FGF14: variants seen among roughly 807,000 people sequenced by gnomAD.
FGF14 encodes fibroblast growth factor 14, also known as fibroblast growth factor homologous factor 4.
A neutral mutation model predicts 25.5 loss-of-function variants in FGF14; 5 were observed. The ratio of observed to expected loss-of-function variants is 0.20; its 90% CI spans 0.10 to 0.41. The LOEUF (loss-of-function observed/expected upper bound fraction) is 0.41. Ranked by LOEUF, FGF14 falls within the 10% of genes least tolerant of loss-of-function variation. The pLI is 1.00. For synonymous variants in FGF14, 138 were observed against 118.3 expected (o/e 1.17, Z -1.08); for missense variants, 222 against 320.1 (o/e 0.69, Z 2.34).
intron 1 of FGF14, among the ~76,000 whole-genome samples, chr13:102,244,865 G>A (rs1321724403): frequency 6.6e-6 from 1 of 151,974 alleles, no homozygotes; most frequent in East Asian, 1.9e-4. Flanking sequence ...TAAATACACA[G>A]AGGAAAACAG....
intron 3 of FGF14, among the ~76,000 whole-genome samples, chr13:101,852,186 T>C (rs1260111794): frequency 6.6e-6 from 1 of 152,058 alleles, no homozygotes. Context: ...TCAATATCAC[T>C]GCAATTCTGA....
At chr13:101,837,151 G>A (rs1239261104) in intron 3 of FGF14, among the ~76,000 whole-genome samples, 1 of 151,456 alleles carries the variant, frequency 6.6e-6, no homozygotes, top group African/African-American at 2.4e-5. Context: ...TTTCAAGTGT[G>A]ACTGAGCTGG....
At chr13:101,811,915 G>A (rs1594335131) in intron 3 of FGF14, among the ~76,000 whole-genome samples, 1 of 152,024 alleles carries the variant, frequency 6.6e-6, no homozygotes. Context: ...AAAGTTGGAA[G>A]GTCTCTAACA....
At chr13:101,897,112 T>C (rs1434261456) in intron 1 of FGF14, among the ~76,000 whole-genome samples, 1 of 152,158 alleles carries the variant, frequency 6.6e-6, no homozygotes, top group East Asian at 1.9e-4. Flanking sequence ...TTATTATGTG[T>C]ACAGGAGAAG....
chr13:101,959,467 C>G (rs1356153601), intron 1 of FGF14, among the ~76,000 whole-genome samples: 1 of 152,112 alleles, frequency 6.6e-6, no homozygotes, highest in Non-Finnish European at 1.5e-5. Context: ...ATCTTGAATG[C>G]CCTCCCTGAC....
chr13:101,830,192 A>C (rs1420705142), intron 3 of FGF14, among the ~76,000 whole-genome samples: 1 of 152,156 alleles, frequency 6.6e-6, no homozygotes, highest in African/African-American at 2.4e-5. Flanking sequence ...GTAGCTCTAG[A>C]GAAGTCTAGT....
upstream of FGF14, among the ~76,000 whole-genome samples, chr13:101,920,597 T>C (rs558697910): frequency 6.6e-6 from 1 of 152,342 alleles, no homozygotes; most frequent in East Asian, 1.9e-4. Context: ...AGTTTACTCA[T>C]TTCTATCTTG....
At chr13:102,202,854 T>G (rs1484628698) in intron 1 of FGF14, among the ~76,000 whole-genome samples, 1 of 152,230 alleles carries the variant, frequency 6.6e-6, no homozygotes, top group African/African-American at 2.4e-5. Flanking sequence ...CTTAGAATAC[T>G]GCAGTGCTGC....
chr13:102,330,747 T>C (rs2056609927), intron 1 of FGF14, among the ~76,000 whole-genome samples: 2 of 152,086 alleles, frequency 1.3e-5, no homozygotes, highest in Admixed American at 1.3e-4. Context: ...CATCACTCCC[T>C]CCTCCCTTCA....
At chr13:101,793,260 T>C (rs1470951042) in intron 3 of FGF14, among the ~76,000 whole-genome samples, 1 of 152,154 alleles carries the variant, frequency 6.6e-6, no homozygotes, top group Non-Finnish European at 1.5e-5. Context: ...TAAGTGAGAA[T>C]AAAAGTGTTT....
At chr13:102,099,586 A>G (rs2044564281) in intron 1 of FGF14, among the ~76,000 whole-genome samples, 1 of 152,134 alleles carries the variant, frequency 6.6e-6, no homozygotes, top group South Asian at 2.1e-4. Flanking sequence ...CAGTTCAAAA[A>G]AGGCTCAAAG....
At chr13:102,297,786 C>G (rs141505439) in intron 1 of FGF14, among the ~76,000 whole-genome samples, 1,622 of 151,552 alleles carry the variant, frequency 0.011, 28 homozygotes, top group African/African-American at 0.036. Flanking sequence ...GTCCCAGCTA[C>G]TTGGGAAGCT....
At chr13:101,937,272 G>A (rs1031741382) in intron 1 of FGF14, among the ~76,000 whole-genome samples, 1 of 152,198 alleles carries the variant, frequency 6.6e-6, no homozygotes, top group African/African-American at 2.4e-5. Context: ...GCTGAATTAT[G>A]TTCCTCCCAA....
At chr13:102,385,340 T>C (rs927624084) in intron 1 of FGF14, among the ~76,000 whole-genome samples, 1 of 152,210 alleles carries the variant, frequency 6.6e-6, no homozygotes, top group Non-Finnish European at 1.5e-5. Flanking sequence ...CACTTACTTC[T>C]AAGTTATCTA....
intron 1 of FGF14, among the ~76,000 whole-genome samples, chr13:102,159,838 G>A (rs1019424825): frequency 2.0e-5 from 3 of 152,128 alleles, no homozygotes; most frequent in African/African-American, 7.2e-5. Flanking sequence ...ATCTGGGTCA[G>A]ATACTAAGAA....
intron 1 of FGF14, among the ~76,000 whole-genome samples, chr13:102,025,861 T>C (rs1258441601): frequency 6.6e-6 from 1 of 152,086 alleles, no homozygotes; most frequent in African/African-American, 2.4e-5. Flanking sequence ...GCCTGTAATA[T>C]TGTCAAATTC....
intron 1 of FGF14, among the ~76,000 whole-genome samples, chr13:102,336,487 A>G (rs1376246367): frequency 6.6e-6 from 1 of 152,210 alleles, no homozygotes; most frequent in Non-Finnish European, 1.5e-5. Flanking sequence ...GGGAAAAAAA[A>G]GCCATCTCTC....
chr13:102,114,799 G>A (rs142703825), intron 1 of FGF14, among the ~76,000 whole-genome samples: 119 of 152,250 alleles, frequency 7.8e-4, no homozygotes, highest in African/African-American at 2.8e-3. Flanking sequence ...GAATCAGGGA[G>A]TGGAATGATG....
At chr13:102,368,433 TAATA>T (rs1263890017) in intron 1 of FGF14, among the ~76,000 whole-genome samples, 2 of 152,308 alleles carry the variant, frequency 1.3e-5, no homozygotes, top group East Asian at 1.9e-4. Context: ...AGTAAGGAGT[TAATA>T]AATATTTAAG....
Sources: allele counts gnomAD v4.1 joint callset (sites outside exome capture counted in the v4.1 genomes callset), GRCh38; gene constraint gnomAD v4.1.1; transcripts MANE v1.5; gene names NCBI Gene and HGNC (gene_info 2026-07-23, HGNC 2026-07-21).